Variants in DYNC2H1 observed in about 807,000 individuals in gnomAD.
The protein encoded by DYNC2H1 is dynein cytoplasmic 2 heavy chain 1, also known as cytoplasmic dynein 2 heavy chain 1.
DYNC2H1 carries 410 observed loss-of-function variants against 570.0 expected under a neutral mutation model. The ratio of observed to expected loss-of-function variants is 0.72; its 90% CI spans 0.66 to 0.78. The LOEUF is 0.78. Among genes scored for constraint, DYNC2H1 ranks in the 30% least tolerant of loss-of-function variants. The pLI, the probability that DYNC2H1 is intolerant of heterozygous loss-of-function variation, is 0.00. For missense variants in DYNC2H1, 4,865 were observed against 5,046.4 expected, an observed-to-expected ratio of 0.96 and a Z score of 1.09; for synonymous variants, 1,688 against 1,677.6, an observed-to-expected ratio of 1.01 and a Z score of -0.15.
At chr11:103,138,599 C>T (rs951875867) in intron 17 of DYNC2H1, among the ~76,000 whole-genome samples, 2 of 151,918 alleles carry the variant, frequency 1.3e-5, no homozygotes, top group East Asian at 1.9e-4. Context: ...TTGATGTGCT[C>T]CTGGATTTGG....
chr11:103,262,733 G>T (rs1247973243), intron 70 of DYNC2H1, among the ~76,000 whole-genome samples: 1 of 152,084 alleles, frequency 6.6e-6, no homozygotes, highest in East Asian at 1.9e-4. Flanking sequence ...ATCAGTACCA[G>T]CCACTGCAAA....
At chr11:103,191,228 C>T (rs867470512) in intron 45 of DYNC2H1, among the ~76,000 whole-genome samples, 18 of 151,352 alleles carry the variant, frequency 1.2e-4, no homozygotes, top group Admixed American at 2.6e-4. Flanking sequence ...TTTTTAGAGA[C>T]GGGGTTTTGC....
At chr11:103,272,737 C>A (rs1032856589) in intron 70 of DYNC2H1, among the ~76,000 whole-genome samples, 1 of 151,956 alleles carries the variant, frequency 6.6e-6, no homozygotes, top group African/African-American at 2.4e-5. Context: ...TCATATTAAT[C>A]CTGATCTAGT....
chr11:103,276,681 A>T (rs908084082), intron 70 of DYNC2H1, among the ~76,000 whole-genome samples: 20 of 152,090 alleles, frequency 1.3e-4, no homozygotes, highest in Non-Finnish European at 2.9e-5. Context: ...GTTTTTATAA[A>T]CATCTTCCTC....
intron 85 of DYNC2H1, among the ~76,000 whole-genome samples, chr11:103,450,239 G>A (rs1487635443): frequency 6.6e-6 from 1 of 152,168 alleles, no homozygotes; most frequent in Non-Finnish European, 1.5e-5. Flanking sequence ...AAGAGAAATA[G>A]ATAAATCCAG....
At chr11:103,223,698 T>TA (rs1249840862) in intron 59 of DYNC2H1, among the ~76,000 whole-genome samples, 1 of 151,880 alleles carries the variant, frequency 6.6e-6, no homozygotes, top group Admixed American at 6.6e-5. Context: ...GGAATAATGT[T>TA]AAAGTACGAA....
chr11:103,178,926 C>A, intron 38 of DYNC2H1, 100 bp from the exon 39 acceptor site: 2 of 1,217,662 alleles, frequency 1.6e-6, no homozygotes, highest in Non-Finnish European at 2.2e-6. Context: ...ATTTGTAGTA[C>A]AAATTCATAT....
chr11:103,278,739 G>A (rs1866011063), intron 70 of DYNC2H1, among the ~76,000 whole-genome samples: 1 of 152,100 alleles, frequency 6.6e-6, no homozygotes, highest in East Asian at 1.9e-4. Flanking sequence ...GCTAATTTTT[G>A]TATTTTTAGT....
intron 63 of DYNC2H1, among the ~76,000 whole-genome samples, chr11:103,240,277 A>G (rs1864378585): frequency 1.3e-5 from 2 of 152,148 alleles, no homozygotes; most frequent in South Asian, 2.1e-4. Flanking sequence ...TTATGTTTCC[A>G]GACTGAAGAT....
At chr11:103,383,592 G>C (rs915996196) in intron 83 of DYNC2H1, among the ~76,000 whole-genome samples, 2 of 151,710 alleles carry the variant, frequency 1.3e-5, no homozygotes, top group African/African-American at 4.8e-5. Flanking sequence ...TCCTGCCTCA[G>C]CCTCCCGAGT....
In DYNC2H1 at chr11:103,199,750, A is replaced by T. The variant is rs143776566; in HGVS notation, c.8088+274A>T. Among the ~76,000 whole-genome samples the T allele has an allele frequency of 1.9e-3, 295 of 152,312 alleles. 2 individuals carry two copies. The highest frequency in any genetic ancestry group is 6.8e-3 in the African/African-American group (281 of 41,572). On this transcript the variant is annotated intron_variant, in intron 49 of 88. Coordinates refer to ENST00000375735, the MANE Select transcript of DYNC2H1 (RefSeq NM_001377.3). The surrounding 1 kb of genome is among the most constrained non-coding windows in gnomAD (Gnocchi z 4.6). ...CTCCAGGTCATGGGATGTTAGACAG[A>T]CATGAATGGTAAACAGAAGGATGGA...
At chr11:103,361,340 A>G (rs1168673374) in intron 83 of DYNC2H1, among the ~76,000 whole-genome samples, 1 of 152,200 alleles carries the variant, frequency 6.6e-6, no homozygotes, top group Non-Finnish European at 1.5e-5. Flanking sequence ...CCATCTGTGA[A>G]TCAGGAAGCA....
At chr11:103,113,837 C>CT (rs1858237484) in intron 2 of DYNC2H1, 130 bp downstream of exon 2, 4 of 874,096 alleles carry the variant, frequency 4.6e-6, no homozygotes, top group Non-Finnish European at 6.3e-6. Context: ...CTTTTCTTAA[C>CT]TTTTTTTAAC....
intron 79 of DYNC2H1, among the ~76,000 whole-genome samples, chr11:103,313,236 T>G (rs935625237): frequency 6.6e-6 from 1 of 152,166 alleles, no homozygotes; most frequent in African/African-American, 2.4e-5. Context: ...GTCACTTGCA[T>G]TCTATACTTC....
chr11:103,155,284 T>C (rs1160836685), intron 24 of DYNC2H1, 47 bp from the exon 25 acceptor site: 4 of 1,515,756 alleles, frequency 2.6e-6, no homozygotes, highest in Non-Finnish European at 3.5e-6. Context: ...TGCTAATATA[T>C]GTATATGTGT....
rs1373522088 is a variant in DYNC2H1 at position 103,439,231 on chromosome 11, C to T, written c.12456+3199C>T. On this transcript the variant is annotated intron_variant, in intron 85 of 88. Transcript: ENST00000375735. The surrounding 1 kb of genome is among the most constrained non-coding windows in gnomAD (Gnocchi z 4.1). ...AGAGAAGTGCTGCCTAAGCTGGGAA[C>T]TTAGTAGGAATAAACCAGATGAGGA... is the stretch of plus-strand genomic sequence containing the variant. Among the ~76,000 whole-genome samples the T allele has an allele frequency of 1.3e-5, 2 of 151,974 alleles. No homozygotes were observed. The highest frequency in any genetic ancestry group is 2.4e-5 in the African/African-American group (1 of 41,364).
intron 80 of DYNC2H1, among the ~76,000 whole-genome samples, chr11:103,317,129 C>G (rs994834318): frequency 6.6e-6 from 1 of 151,928 alleles, no homozygotes; most frequent in Non-Finnish European, 1.5e-5. Flanking sequence ...TTGTGCAGGG[C>G]GAAGGGAGGG....
intron 58 of DYNC2H1, among the ~76,000 whole-genome samples, chr11:103,222,690 T>C (rs1461295882): frequency 6.6e-6 from 1 of 152,206 alleles, no homozygotes; most frequent in Non-Finnish European, 1.5e-5. Context: ...ATGTATTCAT[T>C]AGAAATGTGA....
At chr11:103,365,349 GA>G (rs1384108199) in intron 83 of DYNC2H1, among the ~76,000 whole-genome samples, 2 of 139,336 alleles carry the variant, frequency 1.4e-5, no homozygotes, top group African/African-American at 5.2e-5. Context: ...CAACAAGAGC[GA>G]AATTCCGGCT....
Sources: allele counts gnomAD v4.1 joint callset (sites outside exome capture counted in the v4.1 genomes callset), GRCh38; gene constraint gnomAD v4.1.1; non-coding constraint Gnocchi (gnomAD v3.1); transcripts MANE v1.5; gene names NCBI Gene and HGNC (gene_info 2026-07-23, HGNC 2026-07-21).